The following PYHIN1 variants were observed in gnomAD, a reference collection of about 807,000 sequenced individuals.
PYHIN1 encodes the protein pyrin and HIN domain-containing protein 1.
In PYHIN1, 32 loss-of-function variants were observed where a neutral mutation model predicts 43.7. The ratio of observed to expected loss-of-function variants is 0.73; its 90% CI spans 0.55 to 0.98. PYHIN1 has a LOEUF of 0.98. PYHIN1 is among the 50% of genes least tolerant of loss of function. The pLI is 0.00. For missense variants in PYHIN1, 588 were observed against 589.5 expected (o/e 1.00, Z 0.03); for synonymous variants, 205 against 203.1 (o/e 1.01, Z -0.08).
the PYHIN1 span, among the ~76,000 whole-genome samples, chr1:158,990,280 A>G: frequency 2.1e-4 from 32 of 152,340 alleles, no homozygotes; most frequent in Admixed American, 1.2e-3. Flanking sequence ...TTAATTTAAT[A>G]TGACTGTCTA....
the PYHIN1 span, among the ~76,000 whole-genome samples, chr1:158,990,367 T>G: frequency 6.6e-6 from 1 of 152,102 alleles, no homozygotes; most frequent in Non-Finnish European, 1.5e-5. Context: ...TAATAATCTA[T>G]TATTTCTTTT....
At chr1:158,980,746 C>T (rs952103840), downstream of PYHIN1, among the ~76,000 whole-genome samples, 1 of 152,138 alleles carries the variant, frequency 6.6e-6, no homozygotes, top group East Asian at 1.9e-4. Context: ...TGAACATAGA[C>T]GCTTATCAGT....
chr1:158,939,592 C>A, intron 4 of PYHIN1: 1 of 1,381,870 alleles, frequency 7.2e-7, no homozygotes, highest in Non-Finnish European at 1.0e-6. Flanking sequence ...ATACACCATG[C>A]TCCTTTTTCC....
intron 7 of PYHIN1, among the ~76,000 whole-genome samples, chr1:158,972,323 A>T (rs1650978652): frequency 6.6e-6 from 1 of 152,038 alleles, no homozygotes; most frequent in Non-Finnish European, 1.5e-5. Flanking sequence ...ACTTAAAGGG[A>T]TAATCAGTAT....
intron 7 of PYHIN1, among the ~76,000 whole-genome samples, chr1:158,968,497 G>A (rs541535668): frequency 6.6e-6 from 1 of 152,044 alleles, no homozygotes; most frequent in Non-Finnish European, 1.5e-5. Context: ...CTGCCAGTGG[G>A]AGTGTTAATT....
chr1:158,963,333 A>C (rs1571770803), intron 7 of PYHIN1, among the ~76,000 whole-genome samples: 1 of 152,018 alleles, frequency 6.6e-6, no homozygotes, highest in Non-Finnish European at 1.5e-5. Flanking sequence ...CAGCTGCCCC[A>C]TCTTTGGCCA....
At chr1:158,978,988 A>AG (rs1651395424), downstream of PYHIN1, among the ~76,000 whole-genome samples, 1 of 152,182 alleles carries the variant, frequency 6.6e-6, no homozygotes, top group Non-Finnish European at 1.5e-5. Context: ...GACATCTTAG[A>AG]GATCAGTTTG....
intron 7 of PYHIN1, among the ~76,000 whole-genome samples, chr1:158,969,137 A>G (rs1343836238): frequency 1.3e-5 from 2 of 152,030 alleles, no homozygotes; most frequent in African/African-American, 2.4e-5. Flanking sequence ...TCATGGTCAT[A>G]TATTGCTTCC....
intron 7 of PYHIN1, among the ~76,000 whole-genome samples, chr1:158,972,322 G>A (rs1650978522): frequency 6.6e-6 from 1 of 151,968 alleles, no homozygotes; most frequent in Admixed American, 6.6e-5. Flanking sequence ...TACTTAAAGG[G>A]ATAATCAGTA....
chr1:158,979,002 C>T (rs1185001880), downstream of PYHIN1, among the ~76,000 whole-genome samples: 1 of 152,098 alleles, frequency 6.6e-6, no homozygotes, highest in African/African-American at 2.4e-5. Context: ...CAGTTTGTAC[C>T]AAGTGGTTCT....
chr1:158,953,131 C>A (rs1353514557), intron 7 of PYHIN1, among the ~76,000 whole-genome samples: 1 of 152,156 alleles, frequency 6.6e-6, no homozygotes, highest in Non-Finnish European at 1.5e-5. Context: ...ATTGCTAGCA[C>A]AGCAGTCTGA....
At chr1:158,939,363 G>C in intron 4 of PYHIN1, 116 bp downstream of exon 4, 2 of 1,604,780 alleles carry the variant, frequency 1.2e-6, no homozygotes, top group South Asian at 1.1e-5. Context: ...CAAATGTATA[G>C]ACTGAGAATT....
downstream of PYHIN1, among the ~76,000 whole-genome samples, chr1:158,978,569 C>T (rs1651375645): frequency 6.6e-6 from 1 of 152,092 alleles, no homozygotes; most frequent in South Asian, 2.1e-4. Context: ...TACTCAAATA[C>T]ATAATATTCA....
chr1:158,943,799 A>G lies in PYHIN1; in HGVS notation c.1012A>G (p.Asn338Asp). The G allele has an allele frequency of 6.3e-7, 1 of 1,594,842 alleles. No homozygotes were observed. Among genetic ancestry groups the G allele is most frequent in the Admixed American group, 1.7e-5 (1 of 57,878 alleles). The change falls in exon 6 of 9, where the codon AAT (asparagine) becomes GAT (aspartate). Residue 338 changes from asparagine (N) to aspartate (D), a missense_variant. Coordinates refer to ENST00000368140, the MANE Select transcript of PYHIN1 (RefSeq NM_152501.5). ...TAATTTTTTGTTGCAGAAAATTGTA[A>G]ATAGGAAGACGACAATCTATGAAAT... ...GLFMLHTKIV[N>D]RKTTIYEIQD...
At chr1:158,950,392 G>T (rs960961909) in intron 7 of PYHIN1, among the ~76,000 whole-genome samples, 9 of 152,140 alleles carry the variant, frequency 5.9e-5, no homozygotes, top group African/African-American at 1.9e-4. Context: ...AAGCCACATT[G>T]TCCAGGGCTG....
chr1:158,986,806 C>T, the PYHIN1 span, among the ~76,000 whole-genome samples: 6,263 of 152,216 alleles, frequency 0.041, 355 homozygotes, highest in East Asian at 0.26. Flanking sequence ...CCTCTGTCTG[C>T]GCAATCTGGA....
intron 7 of PYHIN1, among the ~76,000 whole-genome samples, chr1:158,973,390 T>C (rs555113921): frequency 1.3e-5 from 2 of 152,046 alleles, no homozygotes; most frequent in South Asian, 4.2e-4. Flanking sequence ...TCAGATCCAT[T>C]TTCTCTTATA....
At chr1:158,979,117 A>T (rs1490681511), downstream of PYHIN1, among the ~76,000 whole-genome samples, 1 of 152,182 alleles carries the variant, frequency 6.6e-6, no homozygotes, top group Non-Finnish European at 1.5e-5. Flanking sequence ...TATTTCTCTA[A>T]AACCACATAG....
chr1:158,973,535 A>G (rs1309419196), intron 7 of PYHIN1, 112 bp from the exon 8 acceptor site: 1 of 1,031,488 alleles, frequency 9.7e-7, no homozygotes, highest in Non-Finnish European at 1.5e-6. Context: ...ACACACACAC[A>G]CATATACACA....
Sources: gnomAD v4.1 joint callset for allele counts (sites outside exome capture counted in the v4.1 genomes callset) on GRCh38, gnomAD v4.1.1 for gene constraint, MANE v1.5 for transcripts, NCBI Gene and HGNC (gene_info 2026-07-23, HGNC 2026-07-21) for gene names.